TTL: variants seen among roughly 807,000 people sequenced by gnomAD.
TTL encodes tubulin--tyrosine ligase.
Under a neutral mutation model 41.1 loss-of-function variants are expected in TTL, and 10 were observed. The observed-to-expected ratio is 0.24, with a 90% CI of 0.15 to 0.41. TTL has a LOEUF of 0.41. TTL is among the 10% of genes least tolerant of loss of function. The pLI, the probability that TTL is intolerant of heterozygous loss-of-function variation, is 1.00. For missense variants in TTL, 367 were observed against 460.4 expected (o/e 0.80, Z 1.86); for synonymous variants, 175 against 175.5 (o/e 1.00, Z 0.02).
intron 2 of TTL, among the ~76,000 whole-genome samples, chr2:112,493,132 A>G (rs757111932): frequency 2.6e-5 from 4 of 152,154 alleles, no homozygotes; most frequent in South Asian, 2.1e-4. Flanking sequence ...TTTAATATCT[A>G]TCTACAATGT....
In TTL at chr2:112,539,307, C is replaced by G. The variant is rs963405892; in HGVS notation, c.*10512C>G. 1 of 151,940 alleles carries G rather than the reference C, an allele frequency of 6.6e-6. No homozygotes were observed. Among genetic ancestry groups the G allele is most frequent in the Non-Finnish European group, 1.5e-5 (1 of 67,988 alleles). The allele number at this position is 151,940 out of a possible 1,614,324, so 9.4% of individuals were successfully genotyped here. On this transcript the variant is annotated 3_prime_UTR_variant, in exon 7 of 7. Transcript: ENST00000233336. The stretch of plus-strand genomic sequence containing the variant: ...TGTAACAAATTCGCACATGTACCCC[C>G]CTGATTCTAAAATAAACGTTGAGAA...
chr2:112,488,434 G>A (rs6726169), intron 2 of TTL, among the ~76,000 whole-genome samples: 16,955 of 152,098 alleles, frequency 0.11, 1,131 homozygotes, highest in Non-Finnish European at 0.16. Context: ...ATTATAAACC[G>A]CCTAGTAGCC....
At chr2:112,521,372 C>T (rs532197457) in intron 6 of TTL, 11 of 985,184 alleles carry the variant, frequency 1.1e-5, no homozygotes, top group Admixed American at 1.2e-4. Flanking sequence ...GAAGGCCTTA[C>T]GTGTCAGGGA....
In TTL at chr2:112,526,247, C is replaced by CT. The variant is rs527928753; in HGVS notation, c.1020-2426dup. Among the ~76,000 whole-genome samples the CT allele has an allele frequency of 2.8e-3, 427 of 151,908 alleles. 2 individuals are homozygous for CT. Among genetic ancestry groups the CT allele is most frequent in the African/African-American group, 9.0e-3 (374 of 41,436 alleles). On this transcript the variant is annotated intron_variant, in intron 6 of 6. Transcript: ENST00000233336. Reference sequence around the variant, plus strand: ...ATCAGGGATATTGGTCTAAAATTGTCTTTTTTTTGTTGTGTCTCTGCCAGG... The same window carrying CT: ...ATCAGGGATATTGGTCTAAAATTGTCTTTTTTTTTGTTGTGTCTCTGCCAGG...
Position 112,537,745 on chromosome 2 carries a change from T to A in TTL, c.*8950T>A, listed in dbSNP as rs372786157. ...ATACATGACATAAAAACTTAGAGAA[T>A]TGAAGGAAGAAACAGACAATTTAAC... is the stretch of plus-strand genomic sequence containing the variant. On this transcript the variant is annotated 3_prime_UTR_variant, in exon 7 of 7. Coordinates refer to ENST00000233336, the MANE Select transcript of TTL (RefSeq NM_153712.5). 1 of 152,258 alleles carries A rather than the reference T, an allele frequency of 6.6e-6. No homozygotes were observed. The highest frequency in any genetic ancestry group is 1.5e-5 in the Non-Finnish European group (1 of 68,018). The allele number at this position is 152,258 out of a possible 1,614,324, so 9.4% of individuals were successfully genotyped here.
intron 5 of TTL, among the ~76,000 whole-genome samples, chr2:112,516,665 T>C (rs980603105): frequency 6.6e-6 from 1 of 151,994 alleles, no homozygotes; most frequent in Non-Finnish European, 1.5e-5. Context: ...CAGAGCAAGA[T>C]TCCATCTCAG....
chr2:112,521,840 G>A (rs768800109), intron 6 of TTL, among the ~76,000 whole-genome samples: 4 of 152,184 alleles, frequency 2.6e-5, no homozygotes, highest in Non-Finnish European at 4.4e-5. Context: ...GAAAGGTAAC[G>A]TAACTGAGCC....
At chr2:112,514,381 CAA>C (rs111264304) in intron 5 of TTL, among the ~76,000 whole-genome samples, 1 of 134,240 alleles carries the variant, frequency 7.4e-6, no homozygotes, top group African/African-American at 2.7e-5. Context: ...GACTCTGTTT[CAA>C]AAAAAAAAAA....
chr2:112,501,563 T>G (rs1190498292), intron 4 of TTL, among the ~76,000 whole-genome samples: 1 of 152,034 alleles, frequency 6.6e-6, no homozygotes, highest in East Asian at 1.9e-4. Flanking sequence ...ATGGATTTTC[T>G]TTTTTAAAAA....
At chr2:112,528,060 C>G (rs982890044) in intron 6 of TTL, among the ~76,000 whole-genome samples, 1 of 152,094 alleles carries the variant, frequency 6.6e-6, no homozygotes, top group African/African-American at 2.4e-5. Flanking sequence ...TTTATTTCTC[C>G]TTTACTTTTG....
At chr2:112,528,386 G>A (rs1183669622) in intron 6 of TTL, among the ~76,000 whole-genome samples, 1 of 152,176 alleles carries the variant, frequency 6.6e-6, no homozygotes, top group Non-Finnish European at 1.5e-5. Context: ...GGTTGCTTGA[G>A]CTCAGGAGTT....
chr2:112,513,927 T>A lies in TTL; in HGVS notation c.876-6355T>A, dbSNP rs751879784. ...TAGTGGATGGTGGGTACATGGGGAATAATTAATATTACATATATTTTAAAC... is the reference window on the plus strand; with the variant it reads ...TAGTGGATGGTGGGTACATGGGGAAAAATTAATATTACATATATTTTAAAC... On this transcript the variant is annotated intron_variant, in intron 5 of 6. Transcript: ENST00000233336. 7.4e-4 allele frequency among the ~76,000 whole-genome samples: 112 copies of A among 152,152 alleles called. 1 individual carries two copies. The highest frequency in any genetic ancestry group is 1.9e-4 in the Non-Finnish European group (13 of 68,028).
Position 112,528,931 on chromosome 2 carries a change from A to T in TTL, c.*136A>T, listed in dbSNP as rs1682436614. ...TCGCAAAGATGAGATGGAAGAAGGC[A>T]CGTGAGCAGAGGAGGCAGCTCCCAA... is the stretch of plus-strand genomic sequence containing the variant. On this transcript the variant is annotated 3_prime_UTR_variant, in exon 7 of 7. Coordinates refer to ENST00000233336, the MANE Select transcript of TTL (RefSeq NM_153712.5). 1 of 716,554 alleles carries T rather than the reference A, an allele frequency of 1.4e-6. No individual in the cohort carries two copies. The highest frequency in any genetic ancestry group is 1.8e-5 in the African/African-American group (1 of 56,778). The allele number at this position is 716,554 out of a possible 1,614,324, so 44.4% of individuals were successfully genotyped here. A position where few individuals can be genotyped will look rare whatever the true frequency, so the allele number is the denominator to read the frequency against.
Position 112,482,244 on chromosome 2 carries a change from G to A in TTL, c.-101G>A. On this transcript the variant is annotated 5_prime_UTR_variant, in exon 1 of 7. Coordinates refer to ENST00000233336, the MANE Select transcript of TTL (RefSeq NM_153712.5). This position sits in a 1 kb window ranked among gnomAD's most constrained non-coding sequence, Gnocchi z 5.3. ...TAGCCGGCGCGGGCGGCGGGGGCCG[G>A]GCCGCGGCGGGCGCCCGGGCGGGGT... The A allele has an allele frequency of 1.1e-6, 1 of 897,382 alleles. No homozygotes were observed. The allele number at this position is 897,382 out of a possible 1,614,324, so 55.6% of individuals were successfully genotyped here.
At chr2:112,497,033 G>T (rs1274063659) in intron 3 of TTL, among the ~76,000 whole-genome samples, 2 of 151,862 alleles carry the variant, frequency 1.3e-5, no homozygotes, top group Non-Finnish European at 2.9e-5. Flanking sequence ...CATTAGCCAG[G>T]ATGGTCTCGA....
intron 2 of TTL, 137 bp from the exon 3 acceptor site, chr2:112,494,006 A>C: frequency 1.5e-6 from 1 of 664,524 alleles, no homozygotes; most frequent in Admixed American, 2.9e-5. Context: ...CAGGGAGACT[A>C]AGAGCAAATA....
intron 2 of TTL, among the ~76,000 whole-genome samples, chr2:112,486,278 A>ACAGGG (rs1681237233): frequency 6.6e-6 from 1 of 152,154 alleles, no homozygotes; most frequent in Non-Finnish European, 1.5e-5. Context: ...GGAAGCAAGG[A>ACAGGG]CAGGGCAGGG....
chr2:112,489,396 C>T lies in TTL; in HGVS notation c.236+3401C>T, dbSNP rs373345963. 4.6e-5 allele frequency among the ~76,000 whole-genome samples: 7 copies of T among 152,266 alleles called. No individual in the cohort carries two copies. In the South Asian group the frequency reaches 1.5e-3, roughly 32 times the overall value. ...CTTTGAAAGCCAGAAGATCTATTTC[C>T]TTTAATATTGCACACACATTTTCAA... is the stretch of plus-strand genomic sequence containing the variant. On this transcript the variant is annotated intron_variant, in intron 2 of 6. Transcript: ENST00000233336.
At chr2:112,523,857 C>T (rs1398332198) in intron 6 of TTL, among the ~76,000 whole-genome samples, 5 of 151,808 alleles carry the variant, frequency 3.3e-5, no homozygotes, top group Non-Finnish European at 5.9e-5. Flanking sequence ...AGGTTTGTTA[C>T]ATATGTATAC....
Sources: gnomAD v4.1 joint callset for allele counts (sites outside exome capture counted in the v4.1 genomes callset) on GRCh38, gnomAD v4.1.1 for gene constraint, Gnocchi (gnomAD v3.1) non-coding constraint, MANE v1.5 for transcripts, NCBI Gene and HGNC (gene_info 2026-07-23, HGNC 2026-07-21) for gene names.